Variants in OR9I1 observed in about 807,000 individuals in gnomAD.
The protein encoded by OR9I1 is olfactory receptor family 9 subfamily I member 1, also known as olfactory receptor 9I1.
In OR9I1, 7 loss-of-function variants were observed where a neutral mutation model predicts 11.2. The observed-to-expected ratio is 0.62, with a 90% CI of 0.36 to 1.17. OR9I1 has a LOEUF of 1.17. OR9I1 is among the 50% of genes most tolerant of loss of function. OR9I1 has a pLI of 0.02. For missense variants in OR9I1, 428 were observed against 377.2 expected (o/e 1.13, Z -1.12); for synonymous variants, 165 against 153.4 (o/e 1.08, Z -0.56).
Position 58,119,256 on chromosome 11 carries a change from C to G in OR9I1, c.189G>C (p.Leu63=), listed in dbSNP as rs1853998793. The change falls in exon 3 of 3, where the codon CTG becomes CTC. Residue 63 remains leucine (L), a synonymous_variant. Coordinates refer to ENST00000641439, the MANE Select transcript of OR9I1 (RefSeq NM_001005211.2). ...VKLYTPMYFF[L]SHLSLLDACY... ...AGGCATCCAGCAGGGAGAGGTGGCT[C>G]AGGAAGAAGTACATTGGGGTGTAGA... The G allele has an allele frequency of 6.2e-7, 1 of 1,613,770 alleles. No homozygotes were observed.
Position 58,118,491 on chromosome 11 carries a change from T to G in OR9I1, c.*9A>C, listed in dbSNP as rs771984721. ...AGTGGACTAAAACAAGAATTCCTCTTACTTAGATCTACATGCTCAGGGACA... is the reference window on the plus strand; with the variant it reads ...AGTGGACTAAAACAAGAATTCCTCTGACTTAGATCTACATGCTCAGGGACA... On this transcript the variant is annotated 3_prime_UTR_variant, in exon 3 of 3. Coordinates refer to ENST00000641439, the MANE Select transcript of OR9I1 (RefSeq NM_001005211.2). The G allele has an allele frequency of 3.9e-6, 6 of 1,551,686 alleles. No individual in the cohort carries two copies. The African/African-American group carries it at 4.1e-5, about 11-fold the overall frequency.
chr11:58,120,760 A>G (rs1278184348), intron 2 of OR9I1, among the ~76,000 whole-genome samples: 2 of 149,010 alleles, frequency 1.3e-5, no homozygotes, highest in Non-Finnish European at 3.0e-5. Context: ...CTTTGTTAAT[A>G]TTGCTATCTT....
chr11:58,118,625 C>T lies in OR9I1; in HGVS notation c.820G>A (p.Val274Met), dbSNP rs140212751. The stretch of plus-strand genomic sequence containing the variant: ...ATGACCACTGTATAGAAGACAGACA[C>T]GACTTTGTCTTCCTCCAGAGATTTG... Reference protein sequence around the residue: ...SGKSLEEDKVVSVFYTVVIPM... With the variant: ...SGKSLEEDKVMSVFYTVVIPM... The change falls in exon 3 of 3, where the codon GTG becomes ATG. Residue 274 changes from valine to methionine, a missense_variant. Val to Met is a conservative substitution (Grantham distance 21, BLOSUM62 1). Transcript: ENST00000641439. The T allele has an allele frequency of 1.1e-5, 17 of 1,613,876 alleles. No homozygotes were observed. Among genetic ancestry groups the T allele is most frequent in the Admixed American group, 6.7e-5 (4 of 60,000 alleles).
In OR9I1 at chr11:58,119,316, C is replaced by T; in HGVS notation, c.129G>A (p.Val43=). 6.2e-7 allele frequency: 1 copy of T among 1,613,844 alleles called. No homozygotes were observed. The highest frequency in any genetic ancestry group is 2.2e-5 in the East Asian group (1 of 44,800). ...SFYLVTLLGN[V]GMIMLIQVDV... is the part of the protein sequence containing the mutation. ...CTACTTGGATTAACATAATCATCCC[C>T]ACATTCCCAAGAAGGGTGACTAGGT... The change falls in exon 3 of 3, where the codon GTG becomes GTA. Residue 43 remains valine (V), a synonymous_variant. Coordinates refer to ENST00000641439, the MANE Select transcript of OR9I1 (RefSeq NM_001005211.2).
rs1174632035 is a variant in OR9I1 at position 58,117,721 on chromosome 11, T to C, written c.*779A>G. ...AGAGAACTGTTCCTGAGACACGCAA[T>C]AGGGTGAGGAGGAGAAGCAATGTAC... On this transcript the variant is annotated 3_prime_UTR_variant, in exon 3 of 3. Transcript: ENST00000641439. 2 of 151,972 alleles carry C rather than the reference T, an allele frequency of 1.3e-5. No homozygotes were observed. Among genetic ancestry groups the C allele is most frequent in the Non-Finnish European group, 2.9e-5 (2 of 68,014 alleles). The allele number at this position is 151,972 out of a possible 1,614,324, so 9.4% of individuals were successfully genotyped here.
chr11:58,118,645 G>T lies in OR9I1; in HGVS notation c.800C>A (p.Ser267Tyr). 6.2e-7 allele frequency: 1 copy of T among 1,613,954 alleles called. No homozygotes were observed. Among genetic ancestry groups the T allele is most frequent in the Non-Finnish European group, 8.5e-7 (1 of 1,179,966 alleles). The change falls in exon 3 of 3, where the codon TCT becomes TAT. Residue 267 changes from serine to tyrosine, a missense_variant. Ser to Tyr is a moderately radical substitution (Grantham distance 144). Coordinates refer to ENST00000641439, the MANE Select transcript of OR9I1 (RefSeq NM_001005211.2). ...AGACACGACTTTGTCTTCCTCCAGA[G>T]ATTTGCCTGAGCCACTTTGCAGATA... ...FMYLQSGSGK[S>Y]LEEDKVVSVF...
intron 1 of OR9I1, 128 bp downstream of exon 1, chr11:58,125,146 C>T (rs1023190731): frequency 6.6e-6 from 1 of 152,018 alleles, no homozygotes; most frequent in Non-Finnish European, 1.5e-5. Context: ...TAGTACCACG[C>T]CTCCCACATG....
Position 58,119,482 on chromosome 11 carries a change from A to G in OR9I1, c.-22-16T>C. 2.3e-6 allele frequency: 3 copies of G among 1,283,982 alleles called. No homozygotes were observed. The highest frequency in any genetic ancestry group is 3.3e-6 in the Non-Finnish European group (3 of 919,428). The allele number at this position is 1,283,982 out of a possible 1,614,324, so 79.5% of individuals were successfully genotyped here. A position where few individuals can be genotyped will look rare whatever the true frequency, so the allele number is the denominator to read the frequency against. On this transcript the variant is annotated splice_polypyrimidine_tract_variant and intron_variant, in intron 2 of 2. Coordinates refer to ENST00000641439, the MANE Select transcript of OR9I1 (RefSeq NM_001005211.2). ...GACTGTTGGTCTGAGGATGATAATG[A>G]AATAAAAAGAATCTCAGAATTGAAG...
chr11:58,117,712 G>A lies in OR9I1; in HGVS notation c.*788C>T, dbSNP rs1326060024. The A allele has an allele frequency of 6.6e-6, 1 of 152,132 alleles. No individual in the cohort carries two copies. Among genetic ancestry groups the A allele is most frequent in the Non-Finnish European group, 1.5e-5 (1 of 68,058 alleles). The allele number at this position is 152,132 out of a possible 1,614,324, so 9.4% of individuals were successfully genotyped here. A position where few individuals can be genotyped will look rare whatever the true frequency, so the allele number is the denominator to read the frequency against. On this transcript the variant is annotated 3_prime_UTR_variant, in exon 3 of 3. Coordinates refer to ENST00000641439, the MANE Select transcript of OR9I1 (RefSeq NM_001005211.2). ...CTTGGTAGGAGAGAACTGTTCCTGA[G>A]ACACGCAATAGGGTGAGGAGGAGAA...
intron 2 of OR9I1, among the ~76,000 whole-genome samples, chr11:58,123,133 G>C (rs996489954): frequency 1.3e-5 from 2 of 151,926 alleles, no homozygotes; most frequent in African/African-American, 4.8e-5. Flanking sequence ...TAAATCTTTG[G>C]GAGATTAATT....
Position 58,119,059 on chromosome 11 carries a change from G to T in OR9I1, c.386C>A (p.Pro129Gln). 1 of 1,613,996 alleles carries T rather than the reference G, an allele frequency of 6.2e-7. No individual in the cohort carries two copies. Among genetic ancestry groups the T allele is most frequent in the Non-Finnish European group, 8.5e-7 (1 of 1,180,002 alleles). The change falls in exon 3 of 3, where the codon CCA becomes CAA. Residue 129 changes from proline (P) to glutamine (Q), a missense_variant. Transcript: ENST00000641439. The part of the protein sequence containing the change: ...AYDRYAAIRN[P>Q]LLYTVAMNPR... ...ATTCATGGCCACGGTATAGAGCAGTGGGTTGCGAATGGCAGCATAGCGATC... is the reference window on the plus strand; with the variant it reads ...ATTCATGGCCACGGTATAGAGCAGTTGGTTGCGAATGGCAGCATAGCGATC...
Position 58,116,807 on chromosome 11 carries a change from T to A in OR9I1, c.*1693A>T, listed in dbSNP as rs1345470314. 1 of 152,214 alleles carries A rather than the reference T, an allele frequency of 6.6e-6. No homozygotes were observed. Among genetic ancestry groups the A allele is most frequent in the African/African-American group, 2.4e-5 (1 of 41,462 alleles). 9.4% of individuals were successfully genotyped at this position (152,214 alleles called of 1,614,324 possible). Reference sequence around the variant, plus strand: ...TTGGTGAATTATTTTAATAAAATTGTTGTTTCCATATGGAGAGGCAATGAG... The same window carrying A: ...TTGGTGAATTATTTTAATAAAATTGATGTTTCCATATGGAGAGGCAATGAG... On this transcript the variant is annotated 3_prime_UTR_variant, in exon 3 of 3. Coordinates refer to ENST00000641439, the MANE Select transcript of OR9I1 (RefSeq NM_001005211.2).
chr11:58,122,192 T>C (rs540358204), intron 2 of OR9I1, among the ~76,000 whole-genome samples: 19 of 152,286 alleles, frequency 1.2e-4, no homozygotes, highest in African/African-American at 4.3e-4. Context: ...ATGGTAGCTG[T>C]TCTTGGGTCT....
chr11:58,123,683 A>T (rs146931664), intron 2 of OR9I1, among the ~76,000 whole-genome samples: 2 of 152,310 alleles, frequency 1.3e-5, no homozygotes, highest in African/African-American at 4.8e-5. Context: ...TGAACCTAGG[A>T]CATTCTAATT....
rs899428910 is a variant in OR9I1 at position 58,118,203 on chromosome 11, G to T, written c.*297C>A. On this transcript the variant is annotated 3_prime_UTR_variant, in exon 3 of 3. Transcript: ENST00000641439. The stretch of plus-strand genomic sequence containing the variant: ...AGTTGAGAGAGTATTGGGTTGGAAT[G>T]AAATAAACTCAAGACTCCTGGGATC... 1.7e-5 allele frequency: 4 copies of T among 236,976 alleles called. No individual in the cohort carries two copies. The highest frequency in any genetic ancestry group is 9.0e-5 in the African/African-American group (4 of 44,420). The allele number at this position is 236,976 out of a possible 1,614,324, so 14.7% of individuals were successfully genotyped here. A position where few individuals can be genotyped will look rare whatever the true frequency, so the allele number is the denominator to read the frequency against.
Position 58,119,033 on chromosome 11 carries a change from G to A in OR9I1, c.412C>T (p.Pro138Ser). Residue 138 changes from proline to serine, a missense_variant, in exon 3 of 3, where the codon CCC becomes TCC. Transcript: ENST00000641439. Reference sequence around the variant, plus strand: ...ACCACCAGGCTCCAGCAGAGCCTGGGATTCATGGCCACGGTATAGAGCAGT... The same window carrying A: ...ACCACCAGGCTCCAGCAGAGCCTGGAATTCATGGCCACGGTATAGAGCAGT... ...NPLLYTVAMN[P>S]RLCWSLVVGA... 3.7e-6 allele frequency: 6 copies of A among 1,614,004 alleles called. No homozygotes were observed. Among genetic ancestry groups the A allele is most frequent in the Non-Finnish European group, 5.1e-6 (6 of 1,179,996 alleles).
intron 1 of OR9I1, among the ~76,000 whole-genome samples, chr11:58,124,983 T>C (rs1237237551): frequency 6.6e-6 from 1 of 152,094 alleles, no homozygotes; most frequent in Non-Finnish European, 1.5e-5. Context: ...TTGTCCAAGG[T>C]CACATGACTA....
Position 58,118,641 on chromosome 11 carries a change from C to T in OR9I1, c.804G>A (p.Leu268=), listed in dbSNP as rs755627423. 5.6e-6 allele frequency: 9 copies of T among 1,613,916 alleles called. No individual in the cohort carries two copies. The Middle Eastern group carries it at 5.0e-4, about 89-fold the overall frequency. Residue 268 remains leucine (L), a synonymous_variant, in exon 3 of 3, where the codon CTG becomes CTA. Transcript: ENST00000641439. Reference sequence around the variant, plus strand: ...AGACAGACACGACTTTGTCTTCCTCCAGAGATTTGCCTGAGCCACTTTGCA... The same window carrying T: ...AGACAGACACGACTTTGTCTTCCTCTAGAGATTTGCCTGAGCCACTTTGCA... The part of the protein sequence containing the change: ...MYLQSGSGKS[L]EEDKVVSVFY...
chr11:58,118,657 C>G lies in OR9I1; in HGVS notation c.788G>C (p.Gly263Ala), dbSNP rs1853985494. ...GTCTTCCTCCAGAGATTTGCCTGAG[C>G]CACTTTGCAGATACATGAAGATAAG... ...GALIFMYLQS[G>A]SGKSLEEDKV... Residue 263 changes from glycine (G) to alanine (A), a missense_variant, in exon 3 of 3, where the codon GGC becomes GCC. By Grantham distance (60) the Gly-to-Ala change is moderately conservative (BLOSUM62 0). Coordinates refer to ENST00000641439, the MANE Select transcript of OR9I1 (RefSeq NM_001005211.2). 1 of 1,613,956 alleles carries G rather than the reference C, an allele frequency of 6.2e-7. No individual in the cohort carries two copies.
Sources: allele counts gnomAD v4.1 joint callset (sites outside exome capture counted in the v4.1 genomes callset), GRCh38; gene constraint gnomAD v4.1.1; transcripts MANE v1.5; gene names NCBI Gene and HGNC (gene_info 2026-07-23, HGNC 2026-07-21).